The following CSMD1 variants were observed in gnomAD, a reference collection of about 807,000 sequenced individuals.
The protein encoded by CSMD1 is CUB and Sushi multiple domains 1.
In CSMD1, 213 loss-of-function variants were observed where a neutral mutation model predicts 417.5. The observed-to-expected ratio is 0.51, with a 90% CI of 0.46 to 0.57. The LOEUF is 0.57. Among genes scored for constraint, CSMD1 ranks in the 20% least tolerant of loss-of-function variants. The probability of loss-of-function intolerance (pLI) is 0.00; values close to 1 mark genes in which losing one functional copy is unlikely to be tolerated. For missense variants in CSMD1, 6,923 were observed against 4,529.7 expected (o/e 1.53, Z -15.17); for synonymous variants, 2,862 against 1,736.8 (o/e 1.65, Z -16.11).
rs73659106 is a variant in CSMD1, at chr8:4,582,228, G to A, written c.302+55114C>T. ...CACCCACTAAGCACTTAGAATTACT[G>A]TCAATAATAATAAAGGGCTGACCTA... On this transcript the variant is annotated intron_variant, in intron 2 of 69. Coordinates refer to ENST00000635120, the MANE Select transcript of CSMD1 (RefSeq NM_033225.6). Among the ~76,000 whole-genome samples, 74 of 152,188 alleles carry A rather than the reference G, an allele frequency of 4.9e-4. No homozygotes were observed. In the East Asian group the frequency reaches 0.012, roughly 25 times the overall value.
At chr8:3,436,604 G>A (rs1305373652) in intron 12 of CSMD1, among the ~76,000 whole-genome samples, 1 of 151,680 alleles carries the variant, frequency 6.6e-6, no homozygotes, top group African/African-American at 2.4e-5. Context: ...TTTTATTATT[G>A]ATCATAATAA....
At chr8:3,308,817 A>T (rs112259889) in intron 23 of CSMD1, among the ~76,000 whole-genome samples, 1 of 139,266 alleles carries the variant, frequency 7.2e-6, no homozygotes, top group Non-Finnish European at 1.5e-5. Context: ...TCCACCTCCC[A>T]GGTTCAAGTG....
chr8:3,951,890 G>C (rs552578681), intron 5 of CSMD1, among the ~76,000 whole-genome samples: 2 of 151,346 alleles, frequency 1.3e-5, no homozygotes, highest in Admixed American at 6.6e-5. Flanking sequence ...AGCTATCCTG[G>C]AGGAAAAAAA....
intron 5 of CSMD1, among the ~76,000 whole-genome samples, chr8:3,935,755 C>T (rs1255955926): frequency 6.6e-6 from 1 of 152,142 alleles, no homozygotes; most frequent in Non-Finnish European, 1.5e-5. Flanking sequence ...CCGTGAGACA[C>T]AGCAATAATC....
intron 5 of CSMD1, among the ~76,000 whole-genome samples, chr8:3,830,494 G>A (rs1321448647): frequency 1.3e-5 from 2 of 152,190 alleles, no homozygotes; most frequent in African/African-American, 4.8e-5. Flanking sequence ...GTGCAACTGA[G>A]AATCATGGAG....
intron 3 of CSMD1, among the ~76,000 whole-genome samples, chr8:4,280,047 G>C (rs902032056): frequency 2.0e-5 from 3 of 152,216 alleles, no homozygotes; most frequent in South Asian, 4.1e-4. Context: ...TGAACTCATA[G>C]CTAGAACGCT....
intron 26 of CSMD1, among the ~76,000 whole-genome samples, chr8:3,246,437 C>G (rs569061567): frequency 4.4e-4 from 67 of 152,264 alleles, no homozygotes; most frequent in African/African-American, 1.5e-3. Flanking sequence ...CTCTTCTATT[C>G]TCTGTTCACC....
intron 7 of CSMD1, among the ~76,000 whole-genome samples, chr8:3,634,825 C>G (rs1239674463): frequency 1.3e-5 from 2 of 152,106 alleles, no homozygotes; most frequent in Non-Finnish European, 2.9e-5. Context: ...TTAGGCGATT[C>G]TTGACGTTTT....
At chr8:4,543,889 T>C (rs1455630594) in intron 2 of CSMD1, among the ~76,000 whole-genome samples, 5 of 152,168 alleles carry the variant, frequency 3.3e-5, no homozygotes, top group African/African-American at 1.2e-4. Flanking sequence ...ACATAAGATG[T>C]GGAGCGCCTT....
At chr8:3,251,860 T>C (rs147127731) in intron 26 of CSMD1, among the ~76,000 whole-genome samples, 16,674 of 152,118 alleles carry the variant, frequency 0.11, 1,035 homozygotes, top group Non-Finnish European at 0.13. Flanking sequence ...ATTTGGCTCT[T>C]TCTTTGTCTG....
intron 5 of CSMD1, among the ~76,000 whole-genome samples, chr8:3,953,121 T>C (rs1300785694): frequency 2.6e-5 from 4 of 152,010 alleles, no homozygotes; most frequent in African/African-American, 4.8e-5. Flanking sequence ...AAAAGATCAA[T>C]GATCATAAAC....
chr8:3,791,414 T>C (rs1799734103), intron 5 of CSMD1, among the ~76,000 whole-genome samples: 1 of 152,214 alleles, frequency 6.6e-6, no homozygotes, highest in Non-Finnish European at 1.5e-5. Context: ...ATTCTTAAAA[T>C]TCCTCTGTAT....
rs574303361 is a variant in CSMD1 at position 4,983,868 on chromosome 8, G to A, written c.85+10464C>T. 2.6e-5 allele frequency among the ~76,000 whole-genome samples: 4 copies of A among 152,136 alleles called. No individual in the cohort carries two copies. In the South Asian group the frequency reaches 8.3e-4, roughly 32 times the overall value. ...TAGAACTAGAAGTGGACTCAAAGATGGGTGGGCTTGAGATACATGGAAACA... is the reference window on the plus strand; with the variant it reads ...TAGAACTAGAAGTGGACTCAAAGATAGGTGGGCTTGAGATACATGGAAACA... On this transcript the variant is annotated intron_variant, in intron 1 of 69. Transcript: ENST00000635120.
chr8:4,168,146 T>TACAC (rs34184056), intron 3 of CSMD1, among the ~76,000 whole-genome samples: 66 of 149,508 alleles, frequency 4.4e-4, no homozygotes, highest in African/African-American at 1.6e-3. Context: ...AAAAAAAATA[T>TACAC]ACACACACAC....
At chr8:4,877,525 A>C (rs1412471909) in intron 1 of CSMD1, among the ~76,000 whole-genome samples, 1 of 151,984 alleles carries the variant, frequency 6.6e-6, no homozygotes. Flanking sequence ...ACTTCCTCCT[A>C]GTTCTTCTTC....
At chr8:4,098,637 C>A (rs2130870462) in intron 3 of CSMD1, among the ~76,000 whole-genome samples, 2 of 152,182 alleles carry the variant, frequency 1.3e-5, no homozygotes, top group Middle Eastern at 6.8e-3. Context: ...TACCCCATTT[C>A]TACGTATTGG....
At chr8:3,649,860 T>C (rs1332893586) in intron 7 of CSMD1, among the ~76,000 whole-genome samples, 1 of 152,244 alleles carries the variant, frequency 6.6e-6, no homozygotes, top group Admixed American at 6.5e-5. Context: ...TTTCTCAATG[T>C]TTAACCTATG....
At chr8:4,767,173 A>G (rs1323920968) in intron 1 of CSMD1, among the ~76,000 whole-genome samples, 2 of 152,184 alleles carry the variant, frequency 1.3e-5, no homozygotes, top group African/African-American at 2.4e-5. Flanking sequence ...ATGTTAATGA[A>G]CACTGAAAAG....
intron 25 of CSMD1, among the ~76,000 whole-genome samples, chr8:3,293,679 A>G (rs1584944625): frequency 6.6e-6 from 1 of 152,260 alleles, no homozygotes; most frequent in Non-Finnish European, 1.5e-5. Flanking sequence ...CAGCTACATC[A>G]GGTCCTTTAA....
Sources: allele counts gnomAD v4.1 joint callset (sites outside exome capture counted in the v4.1 genomes callset), GRCh38; gene constraint gnomAD v4.1.1; transcripts MANE v1.5; gene names NCBI Gene and HGNC (gene_info 2026-07-23, HGNC 2026-07-21).